The following GRIP2 variants were observed in gnomAD, a reference collection of about 807,000 sequenced individuals.
GRIP2 encodes the protein glutamate receptor-interacting protein 2.
A neutral mutation model predicts 108.3 loss-of-function variants in GRIP2; 58 were observed. The ratio of observed to expected loss-of-function variants is 0.54; its 90% CI spans 0.43 to 0.67. GRIP2 has a LOEUF of 0.67. Ranked by LOEUF, GRIP2 falls within the 30% of genes least tolerant of loss-of-function variation. The probability of loss-of-function intolerance (pLI) is 0.00; values close to 1 mark genes in which losing one functional copy is unlikely to be tolerated. For missense variants in GRIP2, 1,278 were observed against 1,430.6 expected, an observed-to-expected ratio of 0.89 and a Z score of 1.72; for synonymous variants, 586 against 598.2, an observed-to-expected ratio of 0.98 and a Z score of 0.30.
chr3:14,529,785 T>C (rs955647300), intron 1 of GRIP2, among the ~76,000 whole-genome samples: 2 of 152,206 alleles, frequency 1.3e-5, no homozygotes, highest in Non-Finnish European at 2.9e-5. Flanking sequence ...TACAGTAGAC[T>C]GTTTCCTCGT....
the GRIP2 span, chr3:14,574,679 G>C: frequency 1.6e-6 from 1 of 630,144 alleles, no homozygotes; most frequent in Non-Finnish European, 3.0e-6. Context: ...CCAGAAAGCT[G>C]GCTGGAGTGA....
Position 14,512,638 on chromosome 3 carries a change from C to G in GRIP2, c.1720+139G>C. ...ACGCAGCTGGGTCCACGGAAGCCAG[C>G]CTCCCCACACCCCCAAGCCTTTTCC... On this transcript the variant is annotated intron_variant, in intron 14 of 23. Coordinates refer to ENST00000621039, the MANE Select transcript of GRIP2 (RefSeq NM_001080423.4). This position sits in a 1 kb window ranked among gnomAD's most constrained non-coding sequence, Gnocchi z 5.1. The G allele has an allele frequency of 1.3e-6, 1 of 741,204 alleles. No individual in the cohort carries two copies. Among genetic ancestry groups the G allele is most frequent in the Non-Finnish European group, 2.2e-6 (1 of 453,256 alleles). The allele number at this position is 741,204 out of a possible 1,614,324, so 45.9% of individuals were successfully genotyped here. A position where few individuals can be genotyped will look rare whatever the true frequency, so the allele number is the denominator to read the frequency against.
intron 21 of GRIP2, 50 bp downstream of exon 21, chr3:14,503,516 G>T: frequency 7.5e-7 from 1 of 1,341,170 alleles, no homozygotes. Flanking sequence ...ACACACCAGA[G>T]TGAACAGCCC....
upstream of GRIP2, chr3:14,540,360 C>T: frequency 3.1e-6 from 5 of 1,611,870 alleles, no homozygotes; most frequent in Non-Finnish European, 4.2e-6. The surrounding 1 kb of genome is among the most constrained non-coding windows in gnomAD (Gnocchi z 4.1). Flanking sequence ...AGCCACGCTG[C>T]TTGGCCCTCC....
At chr3:14,576,165 C>A in the GRIP2 span, among the ~76,000 whole-genome samples, 34 of 152,298 alleles carry the variant, frequency 2.2e-4, 1 homozygote, top group African/African-American at 8.2e-4. Flanking sequence ...TTAGCCACAC[C>A]AGGAACCCCA....
At position 14,507,740 on chromosome 3, in the gene GRIP2, C is replaced by T. The variant is rs749291176; in HGVS notation, c.2079-40G>A. 1.9e-6 allele frequency: 3 copies of T among 1,594,636 alleles called. No homozygotes were observed. The highest frequency in any genetic ancestry group is 2.3e-5 in the East Asian group (1 of 44,308). ...CAGGGCAGAGAATGGGAGTTAGACA[C>T]TCAGGGCCTCAGAGTGGCAGTCTGC... is the stretch of plus-strand genomic sequence containing the variant. On this transcript the variant is annotated intron_variant, in intron 17 of 23. Coordinates refer to ENST00000621039, the MANE Select transcript of GRIP2 (RefSeq NM_001080423.4). This position sits in a 1 kb window ranked among gnomAD's most constrained non-coding sequence, Gnocchi z 4.6.
chr3:14,593,528 T>A, the GRIP2 span, among the ~76,000 whole-genome samples: 1 of 152,190 alleles, frequency 6.6e-6, no homozygotes, highest in African/African-American at 2.4e-5. Flanking sequence ...ACCATGTGGG[T>A]CCAGAGCTCC....
Position 14,506,933 on chromosome 3 carries a change from C to T in GRIP2, c.2266G>A (p.Ala756Thr). ...KSGSLSETSD[A>T]DEDPADALKG... ...AGGGCATCTGCTGGGTCCTCATCAG[C>T]ATCACTGGTCTCACTGAGGCTGCCC... is the stretch of plus-strand genomic sequence containing the variant. Residue 756 changes from alanine to threonine, a missense_variant, in exon 19 of 24, where the codon GCT becomes ACT. By Grantham distance (58) the Ala-to-Thr change is moderately conservative. Coordinates refer to ENST00000621039, the MANE Select transcript of GRIP2 (RefSeq NM_001080423.4). 6.2e-7 allele frequency: 1 copy of T among 1,608,042 alleles called. No homozygotes were observed.
chr3:14,509,687 G>C, intron 17 of GRIP2, 133 bp downstream of exon 17: 1 of 926,148 alleles, frequency 1.1e-6, no homozygotes, highest in Non-Finnish European at 1.5e-6. Context: ...GAGGGGAAGT[G>C]ACTGGCCCAA....
In GRIP2 at chr3:14,517,817, T is replaced by C; in HGVS notation, c.1111A>G (p.Arg371Gly). Residue 371 changes from arginine (R) to glycine (G), a missense_variant, in exon 10 of 24, where the codon AGG becomes GGG. Physicochemically the swap from Arg to Gly is moderately radical, Grantham distance 125. Coordinates refer to ENST00000621039, the MANE Select transcript of GRIP2 (RefSeq NM_001080423.4). ...GCAGGTGTGGCCCAGGTGGGCATCC[T>C]GCAGTGGCCGGGCCGGGGGCTGTGG... Reference protein sequence around the residue: ...SCHSPRPGHCRMPTWATPAGQ... With the variant: ...SCHSPRPGHCGMPTWATPAGQ... The C allele has an allele frequency of 4.4e-6, 7 of 1,607,230 alleles. No homozygotes were observed. The highest frequency in any genetic ancestry group is 5.9e-6 in the Non-Finnish European group (7 of 1,177,342).
intron 11 of GRIP2, 128 bp from the exon 12 acceptor site, chr3:14,514,606 TG>T: frequency 2.2e-6 from 2 of 912,000 alleles, no homozygotes; most frequent in Non-Finnish European, 3.2e-6. Flanking sequence ...TGACTCAGTC[TG>T]GGACCAGACA....
At chr3:14,597,567 A>C in the GRIP2 span, among the ~76,000 whole-genome samples, 1 of 152,064 alleles carries the variant, frequency 6.6e-6, no homozygotes, top group East Asian at 1.9e-4. Context: ...GGTTTTTTTA[A>C]AAAAAAATTA....
chr3:14,591,891 G>A, the GRIP2 span, among the ~76,000 whole-genome samples: 2 of 152,182 alleles, frequency 1.3e-5, no homozygotes, highest in African/African-American at 4.8e-5. Context: ...TGGTGCCCAG[G>A]AGGCACATCA....
chr3:14,503,949 G>A, intron 20 of GRIP2: 2 of 469,138 alleles, frequency 4.3e-6, no homozygotes, highest in Non-Finnish European at 3.9e-6. Flanking sequence ...GGTGACACAG[G>A]ATGCCTAGGA....
chr3:14,506,885 G>A lies in GRIP2; in HGVS notation c.2314C>T (p.Arg772Cys), dbSNP rs759366702. ...DALKGGLPAA[R>C]FSPAVPSVDS... ...ACACTGGGCACAGCCGGCGAGAAGC[G>A]GGCTGCTGGCAGGCCTCCTTTCAGG... is the stretch of plus-strand genomic sequence containing the variant. Residue 772 changes from arginine to cysteine, a missense_variant, in exon 19 of 24, where the codon CGC (arginine) becomes TGC (cysteine). Arg to Cys is a radical substitution (Grantham distance 180, BLOSUM62 -3). Transcript: ENST00000621039. 17 of 1,606,588 alleles carry A rather than the reference G, an allele frequency of 1.1e-5. No homozygotes were observed. In the Middle Eastern group the frequency reaches 4.9e-4, roughly 47 times the overall value.
At chr3:14,550,480 G>A (rs1465601049) in intron 1 of GRIP2, among the ~76,000 whole-genome samples, 3 of 152,210 alleles carry the variant, frequency 2.0e-5, no homozygotes, top group Non-Finnish European at 4.4e-5. Context: ...GTAATGAAGT[G>A]TGAGGAACAT....
the GRIP2 span, among the ~76,000 whole-genome samples, chr3:14,563,165 C>A: frequency 0.55 from 82,839 of 151,894 alleles, 22,903 homozygotes; most frequent in East Asian, 0.65. Context: ...AAATTGCACG[C>A]AGACTGGGTA....
At position 14,522,607 on chromosome 3, in the gene GRIP2, C is replaced by T. The variant is rs1356061437; in HGVS notation, c.566+393G>A. The T allele has an allele frequency of 5.7e-6, 1 of 175,680 alleles. No individual in the cohort carries two copies. Among genetic ancestry groups the T allele is most frequent in the African/African-American group, 2.4e-5 (1 of 41,930 alleles). The allele number at this position is 175,680 out of a possible 1,614,324, so 10.9% of individuals were successfully genotyped here. A position where few individuals can be genotyped will look rare whatever the true frequency, so the allele number is the denominator to read the frequency against. On this transcript the variant is annotated intron_variant, in intron 6 of 23. Coordinates refer to ENST00000621039, the MANE Select transcript of GRIP2 (RefSeq NM_001080423.4). This position sits in a 1 kb window ranked among gnomAD's most constrained non-coding sequence, Gnocchi z 4.3. ...CCAGGCGGGGCCGAGCTGGGTCGAT[C>T]AGCCAGGACCCAGGAGACTGAGTCA...
At chr3:14,577,585 C>T in the GRIP2 span, among the ~76,000 whole-genome samples, 1 of 152,198 alleles carries the variant, frequency 6.6e-6, no homozygotes, top group Non-Finnish European at 1.5e-5. Context: ...CTGGACTTAG[C>T]TCAAGGTTGC....
Sources: allele counts gnomAD v4.1 joint callset (sites outside exome capture counted in the v4.1 genomes callset), GRCh38; gene constraint gnomAD v4.1.1; non-coding constraint Gnocchi (gnomAD v3.1); transcripts MANE v1.5; gene names NCBI Gene and HGNC (gene_info 2026-07-23, HGNC 2026-07-21).